Variants in SMG1 observed in about 807,000 individuals in gnomAD.
The protein encoded by SMG1 is SMG1 nonsense mediated mRNA decay associated PI3K related kinase.
Under a neutral mutation model 419.9 loss-of-function variants are expected in SMG1, and 22 were observed. The ratio of observed to expected loss-of-function variants is 0.05; its 90% CI spans 0.04 to 0.07. The LOEUF (loss-of-function observed/expected upper bound fraction) is 0.07, where lower values mean the gene tolerates loss of function less well. SMG1 is among the 10% of genes least tolerant of loss of function. SMG1 has a pLI of 1.00. For synonymous variants in SMG1, 1,538 were observed against 1,553.5 expected (o/e 0.99, Z 0.23); for missense variants, 3,185 against 4,342.0 (o/e 0.73, Z 7.49).
chr16:18,852,003 T>C, intron 33 of SMG1, 64 bp downstream of exon 33: 1 of 1,507,312 alleles, frequency 6.6e-7, no homozygotes, highest in Non-Finnish European at 8.9e-7. Flanking sequence ...ATATATATGA[T>C]CAATTTTCTC....
intron 1 of SMG1, among the ~76,000 whole-genome samples, chr16:18,907,473 AG>A (rs2037609317): frequency 6.6e-6 from 1 of 152,030 alleles, no homozygotes; most frequent in Admixed American, 6.6e-5. Context: ...CTCTGGTTTT[AG>A]CCTCCCCAGT....
At chr16:18,892,172 T>C (rs900703126) in intron 4 of SMG1, 46 bp downstream of exon 4, 6 of 1,301,998 alleles carry the variant, frequency 4.6e-6, no homozygotes, top group Middle Eastern at 2.6e-4. Context: ...CCTAGTTTAT[T>C]ATGGAAACAC....
At chr16:18,836,593 C>G in intron 46 of SMG1, 61 bp from the exon 47 acceptor site, 1 of 1,565,996 alleles carries the variant, frequency 6.4e-7, no homozygotes, top group Non-Finnish European at 8.7e-7. Context: ...CACATACTTT[C>G]CTACCCTGGA....
rs1173188654 is a variant in SMG1, at chr16:18,870,654, T to C, written c.2448A>G (p.Ala816=). 4.4e-6 allele frequency: 7 copies of C among 1,607,918 alleles called. No individual in the cohort carries two copies. The highest frequency in any genetic ancestry group is 5.1e-6 in the Non-Finnish European group (6 of 1,177,826). The change falls in exon 18 of 63, where the codon GCA becomes GCG. Residue 816 remains alanine (A), a synonymous_variant. Transcript: ENST00000446231. ...LVHSGTRIRQ[A]FGKLLKSIPL... ...GAATTGATTTCAACAGTTTTCCAAA[T>C]GCTTGTCGAATACGAGTTCCACTGT...
At chr16:18,921,171 G>A (rs998767057) in intron 1 of SMG1, among the ~76,000 whole-genome samples, 9 of 149,038 alleles carry the variant, frequency 6.0e-5, no homozygotes, top group Admixed American at 2.0e-4. Context: ...AGAGAGAGAG[G>A]AAAAATAAAT....
intron 1 of SMG1, among the ~76,000 whole-genome samples, chr16:18,920,447 T>G (rs2038153999): frequency 6.6e-6 from 1 of 151,282 alleles, no homozygotes; most frequent in South Asian, 2.1e-4. Context: ...TTACTAAGTG[T>G]TTCATAAGGA....
intron 3 of SMG1, among the ~76,000 whole-genome samples, chr16:18,892,562 G>A (rs1049105284): frequency 5.3e-5 from 8 of 151,964 alleles, no homozygotes; most frequent in Non-Finnish European, 1.2e-4. Flanking sequence ...TGTCTCCACA[G>A]ACATACAAAA....
intron 3 of SMG1, among the ~76,000 whole-genome samples, chr16:18,893,318 G>A (rs2036966829): frequency 6.6e-6 from 1 of 152,202 alleles, no homozygotes; most frequent in Non-Finnish European, 1.5e-5. Flanking sequence ...GTATAATAAA[G>A]ATGCCTTTAA....
intron 1 of SMG1, among the ~76,000 whole-genome samples, chr16:18,904,691 C>T (rs1333450438): frequency 2.0e-5 from 3 of 151,888 alleles, no homozygotes; most frequent in Non-Finnish European, 4.4e-5. Context: ...AATCCCAGCA[C>T]TTTGGGAGGC....
At position 18,852,259 on chromosome 16, in the gene SMG1, A is replaced by C. The variant is rs2034645291; in HGVS notation, c.4914-54T>G. The C allele has an allele frequency of 3.7e-6, 6 of 1,605,028 alleles. No homozygotes were observed. In the Admixed American group the frequency reaches 6.9e-5, roughly 18 times the overall value. ...TCAGCTACCCAAACTTTACCATATC[A>C]GCAGACATTTAAATATCTATTTATG... On this transcript the variant is annotated intron_variant, in intron 32 of 62. Coordinates refer to ENST00000446231, the MANE Select transcript of SMG1 (RefSeq NM_015092.5).
chr16:18,887,483 T>TACA, intron 6 of SMG1, among the ~76,000 whole-genome samples: 1 of 148,048 alleles, frequency 6.8e-6, no homozygotes, highest in Admixed American at 6.8e-5. Flanking sequence ...GGACTACAGG[T>TACA]GCATGCCACC....
At chr16:18,896,699 GAAGAAAGC>G (rs1395006892) in intron 2 of SMG1, 86 bp downstream of exon 2, 17 of 843,956 alleles carry the variant, frequency 2.0e-5, no homozygotes, top group Middle Eastern at 3.6e-4. Context: ...AAATATATTA[GAAGAAAGC>G]AAGAAAGTTG....
intron 57 of SMG1, 40 bp downstream of exon 57, chr16:18,817,251 C>A: frequency 6.5e-7 from 1 of 1,535,510 alleles, no homozygotes; most frequent in Admixed American, 2.0e-5. Context: ...TAGTATAACA[C>A]TAGCCTTATT....
At chr16:18,919,117 A>G (rs1212411519) in intron 1 of SMG1, among the ~76,000 whole-genome samples, 1 of 152,122 alleles carries the variant, frequency 6.6e-6, no homozygotes, top group Admixed American at 6.6e-5. Context: ...ACTTGAGGTC[A>G]GAAGTTCGAG....
Position 18,866,483 on chromosome 16 carries a change from T to C in SMG1, c.3350+138A>G, listed in dbSNP as rs961533163. 4 of 784,482 alleles carry C rather than the reference T, an allele frequency of 5.1e-6. No individual in the cohort carries two copies. In the African/African-American group the frequency reaches 5.1e-5, roughly 10 times the overall value. 48.6% of individuals were successfully genotyped at this position (784,482 alleles called of 1,614,324 possible). ...TAAAGAACAAACTGAAGACGCCTCC[T>C]GGTGAAGTGATTTATAGCAAGCTTC... On this transcript the variant is annotated intron_variant, in intron 23 of 62. Coordinates refer to ENST00000446231, the MANE Select transcript of SMG1 (RefSeq NM_015092.5).
intron 1 of SMG1, among the ~76,000 whole-genome samples, chr16:18,916,080 AAAAAAAAAACCAG>A (rs2037962555): frequency 1.6e-5 from 2 of 123,300 alleles, no homozygotes; most frequent in African/African-American, 6.6e-5. Context: ...AAAAAAAAAA[AAAAAAAAAACCAG>A]AAAAAAAAAA....
chr16:18,888,820 CTTTTTTTTT>C (rs71141087), intron 6 of SMG1, among the ~76,000 whole-genome samples: 3 of 112,012 alleles, frequency 2.7e-5, no homozygotes, highest in African/African-American at 6.9e-5. Context: ...CAACATGTAT[CTTTTTTTTT>C]TTTTTTTTTT....
At chr16:18,846,759 A>G (rs2034289965) in intron 38 of SMG1, among the ~76,000 whole-genome samples, 1 of 152,244 alleles carries the variant, frequency 6.6e-6, no homozygotes, top group Non-Finnish European at 1.5e-5. Context: ...TGGAACCCTC[A>G]TGCATGGCTA....
At position 18,839,924 on chromosome 16, in the gene SMG1, G is replaced by A. The variant is rs759399656; in HGVS notation, c.6719C>T (p.Pro2240Leu). The A allele has an allele frequency of 3.1e-6, 5 of 1,599,432 alleles. No individual in the cohort carries two copies. The African/African-American group carries it at 5.4e-5, about 17-fold the overall frequency. ...ACGGGGTACAATTCCAGGATTCTGA[G>A]GAGTTTGGTAGGAATCTTGGGCCTT... ...AQKAQDSYQT[P>L]QNPGIVPRPS... The change falls in exon 42 of 63, where the codon CCT (proline) becomes CTT (leucine). Residue 2240 changes from proline (P) to leucine (L), a missense_variant. Coordinates refer to ENST00000446231, the MANE Select transcript of SMG1 (RefSeq NM_015092.5).
Sources: allele counts gnomAD v4.1 joint callset (sites outside exome capture counted in the v4.1 genomes callset), GRCh38; gene constraint gnomAD v4.1.1; transcripts MANE v1.5; gene names NCBI Gene and HGNC (gene_info 2026-07-23, HGNC 2026-07-21).